The following ARB2A variants were observed in gnomAD, a reference collection of about 807,000 sequenced individuals.
The protein encoded by ARB2A is ARB2 cotranscriptional regulator A, also known as cotranscriptional regulator ARB2A.
At chr5:93,620,320 G>C in the ARB2A span, 1 of 152,230 alleles carries the variant, frequency 6.6e-6, no homozygotes, top group Non-Finnish European at 1.5e-5. Context: ...TGCGGATTCA[G>C]TACTTTATAG....
the ARB2A span, among the ~76,000 whole-genome samples, chr5:93,674,801 T>C: frequency 2.6e-5 from 4 of 152,232 alleles, no homozygotes; most frequent in African/African-American, 9.6e-5. Context: ...CCTTTTTTGG[T>C]AACATGTTGC....
the ARB2A span, among the ~76,000 whole-genome samples, chr5:93,964,275 T>A: frequency 6.6e-6 from 1 of 152,020 alleles, no homozygotes; most frequent in Non-Finnish European, 1.5e-5. Context: ...TAAGAACTAC[T>A]GTGCAGAATG....
chr5:93,836,293 C>T, the ARB2A span, among the ~76,000 whole-genome samples: 454 of 152,312 alleles, frequency 3.0e-3, 3 homozygotes, highest in African/African-American at 0.011. Flanking sequence ...TCCCAAAGTG[C>T]TAGGATTACA....
the ARB2A span, chr5:94,055,548 C>T: frequency 1.4e-6 from 1 of 689,880 alleles, no homozygotes; most frequent in African/African-American, 2.0e-5. Flanking sequence ...AATATACTAT[C>T]CCCAATATAA....
the ARB2A span, chr5:93,618,550 T>A: frequency 1.3e-5 from 2 of 152,144 alleles, no homozygotes; most frequent in East Asian, 3.8e-4. Flanking sequence ...ACGCTGGTTG[T>A]TACTCCAGGA....
At chr5:93,667,393 T>G in the ARB2A span, among the ~76,000 whole-genome samples, 7 of 152,316 alleles carry the variant, frequency 4.6e-5, no homozygotes, top group East Asian at 1.4e-3. Flanking sequence ...ACTCTTATAG[T>G]GCCTAAACTA....
At chr5:93,773,556 A>G in the ARB2A span, among the ~76,000 whole-genome samples, 22 of 152,196 alleles carry the variant, frequency 1.4e-4, no homozygotes, top group African/African-American at 5.1e-4. Flanking sequence ...GTCTTGACCA[A>G]CTATAGTGCT....
the ARB2A span, among the ~76,000 whole-genome samples, chr5:93,636,872 G>C: frequency 1.3e-5 from 2 of 152,122 alleles, no homozygotes; most frequent in Non-Finnish European, 2.9e-5. Flanking sequence ...TACACTTTTT[G>C]AGACAGTGTA....
chr5:93,860,559 A>G, the ARB2A span: 1 of 151,910 alleles, frequency 6.6e-6, no homozygotes, highest in Non-Finnish European at 1.5e-5. Context: ...AAGGAAAAGA[A>G]CATTAAGACA....
chr5:93,776,014 T>C, the ARB2A span: 1 of 651,528 alleles, frequency 1.5e-6, no homozygotes, highest in Non-Finnish European at 2.6e-6. Flanking sequence ...TAGTGGATTC[T>C]ACCCATGCAT....
the ARB2A span, among the ~76,000 whole-genome samples, chr5:93,760,557 T>C: frequency 6.6e-6 from 1 of 152,154 alleles, no homozygotes; most frequent in Non-Finnish European, 1.5e-5. Flanking sequence ...AATAGGCACA[T>C]AGATCAATGG....
chr5:93,802,043 T>C, the ARB2A span, among the ~76,000 whole-genome samples: 1 of 152,098 alleles, frequency 6.6e-6, no homozygotes, highest in African/African-American at 2.4e-5. Context: ...ATTCTGAATA[T>C]TGAATCCTAA....
At chr5:93,911,642 A>ACACACACG in the ARB2A span, among the ~76,000 whole-genome samples, 1 of 151,648 alleles carries the variant, frequency 6.6e-6, no homozygotes, top group Non-Finnish European at 1.5e-5. Flanking sequence ...ACACACACAC[A>ACACACACG]CACACACACA....
chr5:93,801,148 G>C, the ARB2A span, among the ~76,000 whole-genome samples: 2 of 152,056 alleles, frequency 1.3e-5, no homozygotes, highest in African/African-American at 4.8e-5. Flanking sequence ...ACACTTGCTG[G>C]CTAGAAGCAC....
the ARB2A span, among the ~76,000 whole-genome samples, chr5:94,065,581 T>G: frequency 6.6e-6 from 1 of 152,062 alleles, no homozygotes; most frequent in African/African-American, 2.4e-5. Context: ...GTAGCTATAT[T>G]TATATCAGAT....
the ARB2A span, among the ~76,000 whole-genome samples, chr5:93,676,678 T>C: frequency 3.3e-5 from 5 of 152,172 alleles, no homozygotes; most frequent in Admixed American, 3.3e-4. Flanking sequence ...CCTTTTCAAC[T>C]CTCTAGTTCA....
chr5:93,691,482 A>AGAATG, the ARB2A span, among the ~76,000 whole-genome samples: 1 of 152,082 alleles, frequency 6.6e-6, no homozygotes, highest in African/African-American at 2.4e-5. Context: ...TAGAGAAAAA[A>AGAATG]GAATGAAAAG....
the ARB2A span, among the ~76,000 whole-genome samples, chr5:93,829,821 T>C: frequency 6.6e-6 from 1 of 152,168 alleles, no homozygotes; most frequent in East Asian, 1.9e-4. Flanking sequence ...AAGAAAATGG[T>C]TAACATAAAA....
the ARB2A span, among the ~76,000 whole-genome samples, chr5:93,801,572 CATT>C: frequency 1.3e-5 from 2 of 152,106 alleles, no homozygotes; most frequent in African/African-American, 2.4e-5. Context: ...ATAAATTCAT[CATT>C]ATTCAAATTT....
Sources: allele counts gnomAD v4.1 joint callset (sites outside exome capture counted in the v4.1 genomes callset), GRCh38; gene constraint gnomAD v4.1.1; transcripts MANE v1.5; gene names NCBI Gene and HGNC (gene_info 2026-07-23, HGNC 2026-07-21).